TACO1: variants seen among roughly 807,000 people sequenced by gnomAD.
TACO1 encodes translational activator of cytochrome c oxidase 1.
In TACO1, 13 loss-of-function variants were observed where a neutral mutation model predicts 24.0. The ratio of observed to expected loss-of-function variants is 0.54; its 90% CI spans 0.35 to 0.86. The LOEUF is 0.86. TACO1 is among the 40% of genes least tolerant of loss of function. The pLI is 0.01. For missense variants in TACO1, 352 were observed against 380.1 expected (o/e 0.93, Z 0.61); for synonymous variants, 149 against 153.5 (o/e 0.97, Z 0.22).
At chr17:63,605,579 G>A (rs568649162) in intron 2 of TACO1, among the ~76,000 whole-genome samples, 1 of 152,306 alleles carries the variant, frequency 6.6e-6, no homozygotes, top group South Asian at 2.1e-4. Context: ...TGACAGACTT[G>A]AAACCAGATA....
In TACO1 at chr17:63,607,437, A is replaced by T. The variant is rs2033871336; in HGVS notation, c.666A>T (p.Glu222Asp). The T allele has an allele frequency of 6.2e-7, 1 of 1,614,116 alleles. No individual in the cohort carries two copies. Among genetic ancestry groups the T allele is most frequent in the South Asian group, 1.1e-5 (1 of 91,090 alleles). The change falls in exon 4 of 5, where the codon GAA becomes GAT. Residue 222 changes from glutamate to aspartate, a missense_variant. By Grantham distance (45) the Glu-to-Asp change is conservative (BLOSUM62 2). Coordinates refer to ENST00000258975, the MANE Select transcript of TACO1 (RefSeq NM_016360.4). ...GAGCTGAGGATGTCAAGGAAACTGA[A>T]GATGAAGAAGAAAGGAACGTTTTTA... is the stretch of plus-strand genomic sequence containing the variant. ...EAGAEDVKET[E>D]DEEERNVFKF...
chr17:63,605,890 G>C (rs1253511051), intron 2 of TACO1, among the ~76,000 whole-genome samples: 2 of 152,162 alleles, frequency 1.3e-5, no homozygotes, highest in African/African-American at 4.8e-5. Context: ...GCTGTTTTCA[G>C]CAGCTCTTAC....
chr17:63,606,179 AT>A (rs2147788241), intron 2 of TACO1, 133 bp from the exon 3 acceptor site: 1 of 1,189,944 alleles, frequency 8.4e-7, no homozygotes, highest in East Asian at 2.3e-5. Flanking sequence ...GGGGACAAAA[AT>A]AAAGATTGAG....
At chr17:63,601,408 C>T in intron 1 of TACO1, 45 bp downstream of exon 1, 1 of 1,601,162 alleles carries the variant, frequency 6.2e-7, no homozygotes, top group South Asian at 1.1e-5. Context: ...GCTGCCCTCT[C>T]AGTGCCCGCA....
Position 63,600,919 on chromosome 17 carries a change from G to A in TACO1, c.-165G>A, listed in dbSNP as rs1015351828. The A allele has an allele frequency of 1.4e-6, 1 of 728,028 alleles. No individual in the cohort carries two copies. Among genetic ancestry groups the A allele is most frequent in the Admixed American group, 2.5e-5 (1 of 40,386 alleles). 45.1% of individuals were successfully genotyped at this position (728,028 alleles called of 1,614,324 possible). ...CAGTCCCGGGTGCCGCGGGGACAGT[G>A]TAGGGTCATTAGCTGTTGAGCCGCC... On this transcript the variant is annotated 5_prime_UTR_variant, in exon 1 of 5. Transcript: ENST00000258975.
rs1419680958 is a variant in TACO1 at position 63,607,965 on chromosome 17, A to G, written c.857A>G (p.His286Arg). The change falls in exon 5 of 5, where the codon CAC becomes CGC. Residue 286 changes from histidine (H) to arginine (R), a missense_variant. By Grantham distance (29) the His-to-Arg change is conservative. Transcript: ENST00000258975. ...CATCTCATTCAGGCTCTCAGCAACC[A>G]CGAGGATGTGATTCACGTCTATGAT... ...AAHLIQALSN[H>R]EDVIHVYDNI... The G allele has an allele frequency of 6.2e-7, 1 of 1,614,220 alleles. No individual in the cohort carries two copies. The highest frequency in any genetic ancestry group is 8.5e-7 in the Non-Finnish European group (1 of 1,180,052).
At position 63,604,514 on chromosome 17, in the gene TACO1, T is replaced by A. The variant is rs770292982; in HGVS notation, c.281-20T>A. On this transcript the variant is annotated intron_variant, in intron 1 of 4. Coordinates refer to ENST00000258975, the MANE Select transcript of TACO1 (RefSeq NM_016360.4). ...AGATGTCTTTGCTCACTCTTTTTTT[T>A]CTTTTTCTTTAAATCTCAGAAGGAG... The A allele has an allele frequency of 6.2e-7, 1 of 1,602,894 alleles. No individual in the cohort carries two copies. The highest frequency in any genetic ancestry group is 8.5e-7 in the Non-Finnish European group (1 of 1,169,830).
intron 3 of TACO1, chr17:63,607,003 TA>T (rs2033867050): frequency 9.8e-5 from 50 of 507,782 alleles, no homozygotes; most frequent in South Asian, 9.8e-4. Flanking sequence ...GCCTAAGTCT[TA>T]AAATGCTCCA....
At position 63,601,335 on chromosome 17, in the gene TACO1, CTGTT is replaced by C. The variant is rs775291283; in HGVS notation, c.255_258del (p.Cys85Ter). On this transcript the variant is annotated frameshift_variant, in exon 1 of 5. Coordinates refer to ENST00000258975, the MANE Select transcript of TACO1 (RefSeq NM_016360.4). LOFTEE classifies it high-confidence loss of function. ...AAAGGAGTCGCATCTTCTCCAAACT[CTGTT>C]TGAACATCCGCCTGGCAGTGAAAGG... is the stretch of plus-strand genomic sequence containing the variant. The C allele has an allele frequency of 3.7e-6, 6 of 1,613,104 alleles. No homozygotes were observed. Among genetic ancestry groups the C allele is most frequent in the South Asian group, 1.1e-5 (1 of 91,028 alleles).
rs2033878662 is a variant in TACO1, at chr17:63,608,213, AG to A, written c.*212del. On this transcript the variant is annotated 3_prime_UTR_variant, in exon 5 of 5. Coordinates refer to ENST00000258975, the MANE Select transcript of TACO1 (RefSeq NM_016360.4). ...CTGCTGTCTCAGAGCCATCTGGATG[AG>A]TGTCCCGACACCCTCTCGGATGCAG... 3 of 630,382 alleles carry A rather than the reference AG, an allele frequency of 4.8e-6. No individual in the cohort carries two copies. Among genetic ancestry groups the A allele is most frequent in the Non-Finnish European group, 8.5e-6 (3 of 351,326 alleles). 39.0% of individuals were successfully genotyped at this position (630,382 alleles called of 1,614,324 possible).
chr17:63,602,439 A>G (rs904960452), intron 1 of TACO1, among the ~76,000 whole-genome samples: 2 of 151,968 alleles, frequency 1.3e-5, no homozygotes, highest in African/African-American at 2.4e-5. Flanking sequence ...AGTTAATGTT[A>G]ATTTACCCCC....
chr17:63,606,939 A>C (rs766349327), intron 3 of TACO1: 130 of 399,880 alleles, frequency 3.3e-4, no homozygotes, highest in Non-Finnish European at 5.1e-4. Context: ...AGACTTGTTC[A>C]TCGGATGTAG....
chr17:63,606,617 C>T (rs978764168), intron 3 of TACO1, 177 bp downstream of exon 3: 2 of 703,036 alleles, frequency 2.8e-6, no homozygotes, highest in Non-Finnish European at 4.9e-6. Context: ...ATGATCTTGG[C>T]TCACTGCAAC....
rs531719527 is a variant in TACO1 at position 63,607,938 on chromosome 17, C to T, written c.830C>T (p.Ala277Val). Residue 277 changes from alanine to valine, a missense_variant, in exon 5 of 5, where the codon GCA becomes GTA. Physicochemically the swap from Ala to Val is moderately conservative, Grantham distance 64. Coordinates refer to ENST00000258975, the MANE Select transcript of TACO1 (RefSeq NM_016360.4). The part of the protein sequence containing the change: ...QLAEPDLEQA[A>V]HLIQALSNHE... ...GCTGAGCCCGACCTGGAACAGGCCG[C>T]ACATCTCATTCAGGCTCTCAGCAAC... 6.2e-7 allele frequency: 1 copy of T among 1,614,186 alleles called. No individual in the cohort carries two copies. The highest frequency in any genetic ancestry group is 2.2e-5 in the East Asian group (1 of 44,878).
intron 2 of TACO1, among the ~76,000 whole-genome samples, chr17:63,605,249 G>C (rs950339727): frequency 6.6e-6 from 1 of 152,116 alleles, no homozygotes; most frequent in Non-Finnish European, 1.5e-5. Context: ...CCTTACGTTA[G>C]GTGGAGGAAG....
chr17:63,607,516 A>G, intron 4 of TACO1, 52 bp downstream of exon 4: 1 of 1,583,350 alleles, frequency 6.3e-7, no homozygotes, highest in South Asian at 1.1e-5. Context: ...ACCCTGATAG[A>G]TGCCTTATGC....
chr17:63,601,184 C>T lies in TACO1; in HGVS notation c.101C>T (p.Pro34Leu). The change falls in exon 1 of 5, where the codon CCC (proline) becomes CTC (leucine). Residue 34 changes from proline to leucine, a missense_variant. By Grantham distance (98) the Pro-to-Leu change is moderately conservative. Transcript: ENST00000258975. ...GCGGCTCCTCCGCGCGACCCCCGGC[C>T]CTCCCACCCCGAGCCCCGGGGCTGC... is the stretch of plus-strand genomic sequence containing the variant. ...VRAAPPRDPR[P>L]SHPEPRGCGA... The T allele has an allele frequency of 6.4e-7, 1 of 1,553,566 alleles. No homozygotes were observed. Among genetic ancestry groups the T allele is most frequent in the Non-Finnish European group, 8.7e-7 (1 of 1,149,598 alleles).
chr17:63,600,910 G>A lies in TACO1; in HGVS notation c.-174G>A, dbSNP rs2033814428. The A allele has an allele frequency of 6.1e-6, 4 of 650,688 alleles. No individual in the cohort carries two copies. Among genetic ancestry groups the A allele is most frequent in the Non-Finnish European group, 7.7e-6 (3 of 392,022 alleles). The allele number at this position is 650,688 out of a possible 1,614,324, so 40.3% of individuals were successfully genotyped here. A position where few individuals can be genotyped will look rare whatever the true frequency, so the allele number is the denominator to read the frequency against. Reference sequence around the variant, plus strand: ...AAGGGCCCCCAGTCCCGGGTGCCGCGGGGACAGTGTAGGGTCATTAGCTGT... The same window carrying A: ...AAGGGCCCCCAGTCCCGGGTGCCGCAGGGACAGTGTAGGGTCATTAGCTGT... On this transcript the variant is annotated 5_prime_UTR_variant, in exon 1 of 5. Coordinates refer to ENST00000258975, the MANE Select transcript of TACO1 (RefSeq NM_016360.4).
At chr17:63,601,515 TC>T (rs2033821695) in intron 1 of TACO1, 152 bp downstream of exon 1, 1 of 851,350 alleles carries the variant, frequency 1.2e-6, no homozygotes, top group Non-Finnish European at 1.9e-6. Flanking sequence ...TCATAAATCC[TC>T]AAAACACCTA....
Sources: gnomAD v4.1 joint callset for allele counts (sites outside exome capture counted in the v4.1 genomes callset) on GRCh38, gnomAD v4.1.1 for gene constraint, MANE v1.5 for transcripts, NCBI Gene and HGNC (gene_info 2026-07-23, HGNC 2026-07-21) for gene names.